CNTNAP2: variants seen among roughly 807,000 people sequenced by gnomAD.
CNTNAP2 encodes contactin-associated protein-like 2.
Under a neutral mutation model 155.2 loss-of-function variants are expected in CNTNAP2, and 98 were observed. The observed-to-expected ratio is 0.63, with a 90% CI of 0.54 to 0.75. CNTNAP2 has a LOEUF of 0.75. Among genes scored for constraint, CNTNAP2 ranks in the 30% least tolerant of loss-of-function variants. The pLI, the probability that CNTNAP2 is intolerant of heterozygous loss-of-function variation, is 0.00. For synonymous variants in CNTNAP2, 651 were observed against 631.2 expected (o/e 1.03, Z -0.47); for missense variants, 1,727 against 1,688.1 (o/e 1.02, Z -0.40).
Position 148,008,347 on chromosome 7 carries a change from G to C in CNTNAP2, c.2383+30358G>C, listed in dbSNP as rs145496787. ...AGATCACGCCACTACACTCCAGCCT[G>C]GGTGACAGAGCAAGACTCCATCTCA... On this transcript the variant is annotated intron_variant, in intron 15 of 23. Coordinates refer to ENST00000361727, the MANE Select transcript of CNTNAP2 (RefSeq NM_014141.6). Among the ~76,000 whole-genome samples the C allele has an allele frequency of 5.6e-3, 847 of 152,214 alleles. 9 individuals carry two copies. The highest frequency in any genetic ancestry group is 0.019 in the African/African-American group (794 of 41,522).
At chr7:146,985,434 C>T (rs1798098485) in intron 3 of CNTNAP2, among the ~76,000 whole-genome samples, 1 of 151,404 alleles carries the variant, frequency 6.6e-6, no homozygotes, top group African/African-American at 2.4e-5. Flanking sequence ...TCTCCTGCCT[C>T]AGCCTCCCAA....
chr7:146,660,361 A>G (rs1445966003), intron 1 of CNTNAP2, among the ~76,000 whole-genome samples: 1 of 152,222 alleles, frequency 6.6e-6, no homozygotes, highest in Admixed American at 6.5e-5. Flanking sequence ...CAACTGGAAG[A>G]TGGGATAGCA....
At chr7:146,167,379 A>G (rs929417406) in intron 1 of CNTNAP2, among the ~76,000 whole-genome samples, 4 of 152,224 alleles carry the variant, frequency 2.6e-5, no homozygotes, top group African/African-American at 7.2e-5. Context: ...GATGGCCACA[A>G]TACTTCAGCT....
chr7:146,372,301 A>G (rs1244816234), intron 1 of CNTNAP2, among the ~76,000 whole-genome samples: 1 of 152,224 alleles, frequency 6.6e-6, no homozygotes, highest in Non-Finnish European at 1.5e-5. Flanking sequence ...AGCCAATGCC[A>G]TAGAATGGCT....
chr7:147,817,191 C>T (rs1798278888), intron 13 of CNTNAP2, among the ~76,000 whole-genome samples: 1 of 151,844 alleles, frequency 6.6e-6, no homozygotes, highest in South Asian at 2.1e-4. Flanking sequence ...AGGAGCACAG[C>T]TGTAAATTTA....
intron 14 of CNTNAP2, among the ~76,000 whole-genome samples, chr7:147,920,971 A>G (rs577939659): frequency 2.0e-3 from 298 of 151,480 alleles, no homozygotes; most frequent in African/African-American, 6.8e-3. Flanking sequence ...CACCACGCCC[A>G]GCTAATTTTT....
chr7:146,207,674 A>T (rs1798969335), intron 1 of CNTNAP2, among the ~76,000 whole-genome samples: 1 of 149,274 alleles, frequency 6.7e-6, no homozygotes, highest in Admixed American at 6.7e-5. Flanking sequence ...CATTCATGAA[A>T]CAAACATTTT....
At chr7:148,247,087 G>C (rs1191690488) in intron 20 of CNTNAP2, among the ~76,000 whole-genome samples, 1 of 152,044 alleles carries the variant, frequency 6.6e-6, no homozygotes, top group Non-Finnish European at 1.5e-5. Flanking sequence ...ACCTCTTCAA[G>C]TTCTTCCTTA....
intron 8 of CNTNAP2, among the ~76,000 whole-genome samples, chr7:147,152,357 A>C (rs1002973274): frequency 1.3e-5 from 2 of 152,018 alleles, no homozygotes; most frequent in African/African-American, 4.8e-5. Flanking sequence ...GCCTGGGTTC[A>C]AATCTACCAC....
At chr7:147,801,859 G>A (rs1257672164) in intron 13 of CNTNAP2, among the ~76,000 whole-genome samples, 3 of 152,002 alleles carry the variant, frequency 2.0e-5, no homozygotes, top group Admixed American at 6.5e-5. Flanking sequence ...AGACGGGGGG[G>A]GCGGCCGGGC....
At chr7:146,590,290 C>T (rs1267715237) in intron 1 of CNTNAP2, among the ~76,000 whole-genome samples, 1 of 152,124 alleles carries the variant, frequency 6.6e-6, no homozygotes, top group East Asian at 1.9e-4. Context: ...ATTTAGTTAT[C>T]AGGAATGTCT....
intron 13 of CNTNAP2, among the ~76,000 whole-genome samples, chr7:147,860,338 C>T (rs981012430): frequency 1.3e-5 from 2 of 152,062 alleles, no homozygotes; most frequent in Non-Finnish European, 2.9e-5. Context: ...GCAGAAGAAT[C>T]GTTTGGACCA....
At chr7:147,937,967 G>T (rs1056800906) in intron 14 of CNTNAP2, among the ~76,000 whole-genome samples, 1 of 152,092 alleles carries the variant, frequency 6.6e-6, no homozygotes, top group Non-Finnish European at 1.5e-5. Flanking sequence ...CTTAACCATG[G>T]TTAATTCTCA....
At chr7:146,940,519 G>A (rs1019864562) in intron 3 of CNTNAP2, among the ~76,000 whole-genome samples, 2 of 152,006 alleles carry the variant, frequency 1.3e-5, no homozygotes, top group Non-Finnish European at 2.9e-5. Context: ...GAGTGTTAAA[G>A]GTGGAGTGTG....
Position 146,252,373 on chromosome 7 carries a change from C to A in CNTNAP2, c.97+135400C>A, listed in dbSNP as rs112249544. Among the ~76,000 whole-genome samples the A allele has an allele frequency of 2.2e-3, 330 of 152,284 alleles. 2 individuals carry two copies. The highest frequency in any genetic ancestry group is 4.9e-3 in the Admixed American group (75 of 15,294). Reference sequence around the variant, plus strand: ...TGCCACCAAATGATTCAGCAACTTTCCAGTTTCCTACTGGACAGAGAGAGG... The same window carrying A: ...TGCCACCAAATGATTCAGCAACTTTACAGTTTCCTACTGGACAGAGAGAGG... On this transcript the variant is annotated intron_variant, in intron 1 of 23. Transcript: ENST00000361727.
intron 14 of CNTNAP2, among the ~76,000 whole-genome samples, chr7:147,924,049 C>T (rs1448933279): frequency 6.6e-6 from 1 of 152,150 alleles, no homozygotes; most frequent in Non-Finnish European, 1.5e-5. Context: ...GTCTCCTAAG[C>T]CAGTCTGATG....
intron 14 of CNTNAP2, among the ~76,000 whole-genome samples, chr7:147,958,237 T>C (rs1428394753): frequency 6.6e-6 from 1 of 152,182 alleles, no homozygotes; most frequent in African/African-American, 2.4e-5. Flanking sequence ...TATCCAATAT[T>C]ACTCATTGAT....
In CNTNAP2 at chr7:146,638,476, C is replaced by CTTTTTTTTTTT. The variant is rs879600389; in HGVS notation, c.98-135783_98-135773dup. On this transcript the variant is annotated intron_variant, in intron 1 of 23. Coordinates refer to ENST00000361727, the MANE Select transcript of CNTNAP2 (RefSeq NM_014141.6). ...AACAGTTTAATACAGTCAGGTGTTT[C>CTTTTTTTTTTT]TTTTTTTTTTTTTTTTTTTTTTCTT... 1.8e-3 allele frequency among the ~76,000 whole-genome samples: 116 copies of CTTTTTTTTTTT among 64,342 alleles called. 9 individuals are homozygous for CTTTTTTTTTTT. The highest frequency in any genetic ancestry group is 0.012 in the East Asian group (23 of 1,886). 42.2% of individuals were successfully genotyped at this position (64,342 alleles called of 152,430 possible).
At chr7:148,272,128 A>T (rs909849957) in intron 21 of CNTNAP2, among the ~76,000 whole-genome samples, 1 of 152,216 alleles carries the variant, frequency 6.6e-6, no homozygotes, top group Non-Finnish European at 1.5e-5. Context: ...GGGATGGAGG[A>T]TATATATTCA....
Sources: gnomAD v4.1 joint callset for allele counts (sites outside exome capture counted in the v4.1 genomes callset) on GRCh38, gnomAD v4.1.1 for gene constraint, MANE v1.5 for transcripts, NCBI Gene and HGNC (gene_info 2026-07-23, HGNC 2026-07-21) for gene names.